RPIA: variants seen among roughly 807,000 people sequenced by gnomAD.
RPIA encodes the protein ribose-5-phosphate isomerase.
In RPIA, 29 loss-of-function variants were observed where a neutral mutation model predicts 37.8. The observed-to-expected ratio is 0.77, with a 90% confidence interval of 0.57 to 1.05. The LOEUF (loss-of-function observed/expected upper bound fraction) is 1.05. Among genes scored for constraint, RPIA ranks in the 50% least tolerant of loss-of-function variants. The pLI is 0.00. For synonymous variants in RPIA, 167 were observed against 157.0 expected (o/e 1.06, Z -0.48); for missense variants, 385 against 413.6 (o/e 0.93, Z 0.60).
At position 88,691,862 on chromosome 2, in the gene RPIA, C is replaced by G; in HGVS notation, c.164C>G (p.Ala55Gly). 1 of 1,595,210 alleles carries G rather than the reference C, an allele frequency of 6.3e-7. No homozygotes were observed. Among genetic ancestry groups the G allele is most frequent in the Non-Finnish European group, 8.5e-7 (1 of 1,172,264 alleles). Residue 55 changes from alanine (A) to glycine (G), a missense_variant, in exon 1 of 9, where the codon GCT becomes GGT. Around this residue, in one of 2 missense-constraint regions of RPIA, gnomAD observed 232 missense variants for 203.0 expected, o/e 1.14. Transcript: ENST00000283646. ...GRAQSGTRGG[A>G]GNTSTSCGDS... is the part of the protein sequence containing the mutation. ...GCACAGTCTGGGACCCGTGGCGGTG[C>G]TGGCAACACAAGCACCAGCTGCGGG...
At chr2:88,712,858 GCTT>G (rs928368624) in intron 3 of RPIA, among the ~76,000 whole-genome samples, 22 of 151,418 alleles carry the variant, frequency 1.5e-4, no homozygotes, top group South Asian at 2.1e-4. Flanking sequence ...GGTTGCCCTT[GCTT>G]CTTCTTCTTC....
intron 8 of RPIA, among the ~76,000 whole-genome samples, chr2:88,745,368 A>C (rs1673427925): frequency 6.6e-6 from 1 of 152,210 alleles, no homozygotes. Flanking sequence ...ATTGTTTCAT[A>C]GGTCCTGTGA....
At chr2:88,707,361 T>C (rs1306111978) in intron 3 of RPIA, among the ~76,000 whole-genome samples, 2 of 152,200 alleles carry the variant, frequency 1.3e-5, no homozygotes, top group Non-Finnish European at 2.9e-5. Flanking sequence ...TCTCAAGTCC[T>C]GCCTTTATTG....
intron 3 of RPIA, among the ~76,000 whole-genome samples, chr2:88,710,881 T>G (rs1341864338): frequency 6.6e-6 from 1 of 152,228 alleles, no homozygotes; most frequent in African/African-American, 2.4e-5. Context: ...CTCTTACCCC[T>G]GAGGTGGTCT....
intron 8 of RPIA, among the ~76,000 whole-genome samples, chr2:88,739,672 T>G (rs944254297): frequency 1.3e-5 from 2 of 152,166 alleles, no homozygotes; most frequent in East Asian, 1.9e-4. Flanking sequence ...GAGTGGAGTG[T>G]AGTGGTGTGA....
intron 3 of RPIA, among the ~76,000 whole-genome samples, chr2:88,709,260 C>G (rs1452898412): frequency 6.6e-6 from 1 of 152,214 alleles, no homozygotes; most frequent in Non-Finnish European, 1.5e-5. Flanking sequence ...ATATTTTCCT[C>G]CTGCGTGTGC....
intron 3 of RPIA, among the ~76,000 whole-genome samples, chr2:88,722,323 A>T (rs1673143809): frequency 6.6e-6 from 1 of 152,162 alleles, no homozygotes; most frequent in Admixed American, 6.5e-5. Context: ...ATATATTTTT[A>T]TTGGAAAATA....
rs1293545419 is a variant in RPIA, at chr2:88,701,603, T to C, written c.402+1539T>C. Among the ~76,000 whole-genome samples the C allele has an allele frequency of 0.029, 4 of 140 alleles. No homozygotes were observed. The South Asian group carries it at 0.5, about 18-fold the overall frequency. 0.1% of individuals were successfully genotyped at this position (140 alleles called of 152,430 possible). A position where few individuals can be genotyped will look rare whatever the true frequency, so the allele number is the denominator to read the frequency against. Reference sequence around the variant, plus strand: ...CTCTTTACATGGACATACTTTTAGCTCTTTTAGGTGATTGGATATTCTAAC... The same window carrying C: ...CTCTTTACATGGACATACTTTTAGCCCTTTTAGGTGATTGGATATTCTAAC... On this transcript the variant is annotated intron_variant, in intron 3 of 8. Transcript: ENST00000283646.
At chr2:88,699,951 A>G (rs1319397781) in intron 2 of RPIA, 58 bp from the exon 3 acceptor site, 14 of 1,570,448 alleles carry the variant, frequency 8.9e-6, no homozygotes, top group Admixed American at 1.7e-5. Flanking sequence ...AACACATATG[A>G]CAAGAAGAAT....
At chr2:88,737,252 G>A (rs1458802756) in intron 7 of RPIA, among the ~76,000 whole-genome samples, 1 of 152,142 alleles carries the variant, frequency 6.6e-6, no homozygotes, top group East Asian at 1.9e-4. Context: ...AATAAGCAAA[G>A]ACAGCAATCC....
At chr2:88,721,732 A>G (rs1673134498) in intron 3 of RPIA, among the ~76,000 whole-genome samples, 1 of 149,312 alleles carries the variant, frequency 6.7e-6, no homozygotes, top group Non-Finnish European at 1.5e-5. Context: ...CATATATATT[A>G]TATAATTATA....
At chr2:88,743,032 T>A (rs1262606110) in intron 8 of RPIA, among the ~76,000 whole-genome samples, 1 of 152,124 alleles carries the variant, frequency 6.6e-6, no homozygotes, top group Non-Finnish European at 1.5e-5. Context: ...TGGATGCCCT[T>A]TGTCTTGTCT....
intron 1 of RPIA, among the ~76,000 whole-genome samples, chr2:88,694,614 G>T (rs1444401355): frequency 1.3e-5 from 2 of 152,096 alleles, no homozygotes; most frequent in East Asian, 1.9e-4. Context: ...TATATTTGGG[G>T]TGCTTTAGGG....
chr2:88,719,830 G>A (rs932240399), intron 3 of RPIA, among the ~76,000 whole-genome samples: 2 of 152,022 alleles, frequency 1.3e-5, no homozygotes, highest in African/African-American at 2.4e-5. Context: ...TTAAGGAGTC[G>A]GTTAATGCCT....
At chr2:88,740,860 T>C (rs900870703) in intron 8 of RPIA, among the ~76,000 whole-genome samples, 20 of 152,192 alleles carry the variant, frequency 1.3e-4, no homozygotes, top group Admixed American at 1.3e-3. Context: ...TTTCTCCTTA[T>C]ATTGCAGACA....
chr2:88,698,716 G>C (rs563824150), intron 2 of RPIA, among the ~76,000 whole-genome samples, 172 bp downstream of exon 2: 1 of 152,358 alleles, frequency 6.6e-6, no homozygotes, highest in African/African-American at 2.4e-5. Context: ...CTTTTGTGGA[G>C]AGAGGGAATC....
At chr2:88,698,571 G>A in intron 2 of RPIA, 27 bp downstream of exon 2, 9 of 1,603,396 alleles carry the variant, frequency 5.6e-6, no homozygotes, top group South Asian at 2.2e-5. Context: ...TCTACTGGAT[G>A]TTTTGTGTGT....
Position 88,691,811 on chromosome 2 carries a change from G to A in RPIA, c.113G>A (p.Gly38Asp). 1.3e-6 allele frequency: 2 copies of A among 1,596,254 alleles called. No individual in the cohort carries two copies. Among genetic ancestry groups the A allele is most frequent in the Non-Finnish European group, 1.7e-6 (2 of 1,173,432 alleles). The change falls in exon 1 of 9, where the codon GGT (glycine) becomes GAT (aspartate). Residue 38 changes from glycine to aspartate, a missense_variant. This residue lies in a region of RPIA where 232 missense variants were observed against 203.0 expected (regional missense o/e 1.14). Transcript: ENST00000283646. ...GGGGNSWDLP[G>D]SHVRLPGRAQ... ...GGAGGGAACAGCTGGGACCTCCCGG[G>A]TTCCCACGTGCGGCTGCCGGGGCGT... is the stretch of plus-strand genomic sequence containing the variant.
At chr2:88,737,548 T>C (rs762521944) in intron 7 of RPIA, among the ~76,000 whole-genome samples, 9 of 152,194 alleles carry the variant, frequency 5.9e-5, no homozygotes, top group Non-Finnish European at 8.8e-5. Context: ...AGTGTTCTTA[T>C]TGTGTTTTGG....
Sources: gnomAD v4.1 joint callset for allele counts (sites outside exome capture counted in the v4.1 genomes callset) on GRCh38, gnomAD v4.1.1 for gene constraint, gnomAD v4.1.1 regional missense constraint, MANE v1.5 for transcripts, NCBI Gene and HGNC (gene_info 2026-07-23, HGNC 2026-07-21) for gene names.